The following RHOF variants were observed in gnomAD, a reference collection of about 807,000 sequenced individuals.
The protein encoded by RHOF is ras homolog family member F, filopodia associated.
Under a neutral mutation model 22.2 loss-of-function variants are expected in RHOF, and 21 were observed. The observed-to-expected ratio is 0.95, with a 90% CI of 0.67 to 1.36. The LOEUF is 1.36. Among genes scored for constraint, RHOF ranks in the 40% most tolerant of loss-of-function variants. RHOF has a pLI of 0.00. For missense variants in RHOF, 285 were observed against 293.7 expected (o/e 0.97, Z 0.22); for synonymous variants, 135 against 131.2 (o/e 1.03, Z -0.20).
chr12:121,787,944 C>T (rs986628779), intron 2 of RHOF, among the ~76,000 whole-genome samples: 4 of 147,046 alleles, frequency 2.7e-5, no homozygotes, highest in Non-Finnish European at 4.5e-5. Flanking sequence ...GTTGCTCAGG[C>T]TGGAGTGCAG....
chr12:121,780,533 GCA>G, intron 4 of RHOF: 1 of 455,328 alleles, frequency 2.2e-6, no homozygotes, highest in Non-Finnish European at 3.9e-6. Flanking sequence ...GCGGCTCATA[GCA>G]CAGACTTTGG....
chr12:121,793,070 G>A, intron 2 of RHOF, 82 bp downstream of exon 2: 3 of 1,200,272 alleles, frequency 2.5e-6, no homozygotes, highest in South Asian at 1.3e-5. Flanking sequence ...GCAGGGCGGG[G>A]ACACCCAGTG....
rs1008597229 is a variant in RHOF at position 121,779,303 on chromosome 12, A to G, written c.*195T>C. On this transcript the variant is annotated 3_prime_UTR_variant, in exon 5 of 5. Coordinates refer to ENST00000267205, the MANE Select transcript of RHOF (RefSeq NM_019034.3). ...TGCACCCACATCACCACCATGTCCC[A>G]GGGGCAGCCTGGAGGGGAGTTTGTG... is the stretch of plus-strand genomic sequence containing the variant. The G allele has an allele frequency of 1.4e-5, 9 of 628,934 alleles. No homozygotes were observed. The highest frequency in any genetic ancestry group is 2.5e-5 in the Non-Finnish European group (9 of 366,244). The allele number at this position is 628,934 out of a possible 1,614,324, so 39.0% of individuals were successfully genotyped here. A position where few individuals can be genotyped will look rare whatever the true frequency, so the allele number is the denominator to read the frequency against.
intron 2 of RHOF, among the ~76,000 whole-genome samples, chr12:121,788,871 G>T (rs1394586292): frequency 1.3e-5 from 2 of 152,180 alleles, no homozygotes; most frequent in Non-Finnish European, 2.9e-5. Flanking sequence ...TCCAGGAGAA[G>T]TTAATAGCCT....
In RHOF at chr12:121,793,541, G is replaced by A; in HGVS notation, c.93C>T (p.Gly31=). Reference sequence around the variant, plus strand: ...TGTACACCATGAGCAGCGAGGTCTTGCCGCAGCCGCCGTCGCCCACGATCA... The same window carrying A: ...TGTACACCATGAGCAGCGAGGTCTTACCGCAGCCGCCGTCGCCCACGATCA... ...KIVIVGDGGC[G]KTSLLMVYSQ... is the part of the protein sequence containing the mutation. The change falls in exon 1 of 5, where the codon GGC becomes GGT. Residue 31 remains glycine, a synonymous_variant. Transcript: ENST00000267205. 1 of 1,545,552 alleles carries A rather than the reference G, an allele frequency of 6.5e-7. No homozygotes were observed. Among genetic ancestry groups the A allele is most frequent in the Non-Finnish European group, 8.7e-7 (1 of 1,148,070 alleles).
At chr12:121,791,075 T>A (rs926735545) in intron 2 of RHOF, among the ~76,000 whole-genome samples, 5 of 151,884 alleles carry the variant, frequency 3.3e-5, no homozygotes, top group Non-Finnish European at 7.4e-5. Context: ...GGTTTCATCA[T>A]GTTGCCCAGG....
At chr12:121,787,855 C>T (rs530521463) in intron 2 of RHOF, among the ~76,000 whole-genome samples, 53 of 135,146 alleles carry the variant, frequency 3.9e-4, no homozygotes, top group African/African-American at 1.3e-3. Flanking sequence ...TGAACCACTA[C>T]ACTCCAGCCT....
chr12:121,784,727 T>C (rs1173037566), intron 2 of RHOF, among the ~76,000 whole-genome samples: 1 of 152,118 alleles, frequency 6.6e-6, no homozygotes, highest in Non-Finnish European at 1.5e-5. Flanking sequence ...AAGTGGGATG[T>C]TCCTTCTGCT....
rs757261415 is a variant in RHOF at position 121,780,907 on chromosome 12, G to A, written c.436C>T (p.Arg146Trp). Reference protein sequence around the residue: ...RKDKEQLRKLRAAQLEPITYM... With the variant: ...RKDKEQLRKLWAAQLEPITYM... ...GTGATGGGCTCCAGCTGGGCGGCCC[G>A]GAGCTTCCGCAGCTGCTCCTTGTCC... The change falls in exon 4 of 5, where the codon CGG (arginine) becomes TGG (tryptophan). Residue 146 changes from arginine (R) to tryptophan (W), a missense_variant. By Grantham distance (101) the Arg-to-Trp change is moderately radical. Coordinates refer to ENST00000267205, the MANE Select transcript of RHOF (RefSeq NM_019034.3). 21 of 1,613,674 alleles carry A rather than the reference G, an allele frequency of 1.3e-5. No homozygotes were observed. The East Asian group carries it at 1.8e-4, about 14-fold the overall frequency.
intron 2 of RHOF, among the ~76,000 whole-genome samples, chr12:121,783,648 A>AAT: frequency 6.6e-6 from 1 of 151,912 alleles, no homozygotes; most frequent in East Asian, 1.9e-4. Flanking sequence ...ACACCCAGCT[A>AAT]ATTTTGTATT....
chr12:121,788,293 A>G (rs1874666699), intron 2 of RHOF, among the ~76,000 whole-genome samples: 1 of 151,974 alleles, frequency 6.6e-6, no homozygotes, highest in African/African-American at 2.4e-5. Context: ...AGGAATCCTC[A>G]CCCTACTTGT....
Position 121,781,071 on chromosome 12 carries a change from G to C in RHOF, c.336+12C>G, listed in dbSNP as rs1874436811. 2 of 1,614,052 alleles carry C rather than the reference G, an allele frequency of 1.2e-6. No individual in the cohort carries two copies. Among genetic ancestry groups the C allele is most frequent in the Non-Finnish European group, 8.5e-7 (1 of 1,180,008 alleles). On this transcript the variant is annotated intron_variant, in intron 3 of 4. Coordinates refer to ENST00000267205, the MANE Select transcript of RHOF (RefSeq NM_019034.3). ...CCAGATGTGGGGCCACCACCCAGGA[G>C]GCCGGCCTCACCTTGATGAGGACGT...
intron 2 of RHOF, chr12:121,782,431 C>CT (rs1398854754): frequency 6.6e-6 from 1 of 152,206 alleles, no homozygotes; most frequent in African/African-American, 2.4e-5. Context: ...GAACTGAGAG[C>CT]TTTTCAGGCT....
chr12:121,787,110 C>A (rs1874629589), intron 2 of RHOF, among the ~76,000 whole-genome samples: 1 of 152,148 alleles, frequency 6.6e-6, no homozygotes, highest in Admixed American at 6.5e-5. Flanking sequence ...CTCCTGCGGG[C>A]AGGAACCACC....
intron 4 of RHOF, chr12:121,780,552 G>A (rs1874412037): frequency 4.1e-6 from 2 of 481,964 alleles, no homozygotes; most frequent in South Asian, 8.1e-5. Context: ...TTGGATTGCA[G>A]TGGATGGGAC....
At chr12:121,791,084 G>A (rs1159438642) in intron 2 of RHOF, among the ~76,000 whole-genome samples, 1 of 151,654 alleles carries the variant, frequency 6.6e-6, no homozygotes, top group Non-Finnish European at 1.5e-5. Flanking sequence ...ATGTTGCCCA[G>A]GCTGGTCTTG....
chr12:121,793,073 AC>A (rs1295458529), intron 2 of RHOF, 78 bp downstream of exon 2: 1 of 1,231,260 alleles, frequency 8.1e-7, no homozygotes, highest in Non-Finnish European at 1.2e-6. Context: ...GGGCGGGGAC[AC>A]CCAGTGGGGG....
chr12:121,787,667 T>C (rs1355619057), intron 2 of RHOF, among the ~76,000 whole-genome samples: 3 of 152,184 alleles, frequency 2.0e-5, no homozygotes. Flanking sequence ...TTTGGGAGGC[T>C]GAGGCGGGCG....
intron 2 of RHOF, among the ~76,000 whole-genome samples, chr12:121,789,785 A>C (rs921286): frequency 0.78 from 119,278 of 152,036 alleles, 47,381 homozygotes; most frequent in East Asian, 0.98. Flanking sequence ...GTCTTAGCAA[A>C]TCCTACTCCA....
Sources: gnomAD v4.1 joint callset for allele counts (sites outside exome capture counted in the v4.1 genomes callset) on GRCh38, gnomAD v4.1.1 for gene constraint, MANE v1.5 for transcripts, NCBI Gene and HGNC (gene_info 2026-07-23, HGNC 2026-07-21) for gene names.